STAG1: variants seen among roughly 807,000 people sequenced by gnomAD.
The protein encoded by STAG1 is STAG1 cohesin complex component.
A neutral mutation model predicts 170.9 loss-of-function variants in STAG1; 26 were observed. That is an observed-to-expected ratio of 0.15 (90% CI 0.11 to 0.21). The LOEUF is 0.21. Ranked by LOEUF, STAG1 falls within the 10% of genes least tolerant of loss-of-function variation. STAG1 has a pLI of 1.00. For synonymous variants in STAG1, 514 were observed against 497.7 expected, an observed-to-expected ratio of 1.03 and a Z score of -0.44; for missense variants, 964 against 1,509.5, an observed-to-expected ratio of 0.64 and a Z score of 5.99.
At chr3:136,695,192 T>G (rs1942847741) in intron 1 of STAG1, among the ~76,000 whole-genome samples, 1 of 152,190 alleles carries the variant, frequency 6.6e-6, no homozygotes, top group Non-Finnish European at 1.5e-5. Flanking sequence ...ATCTTTAGTA[T>G]AATCAGTTTA....
intron 21 of STAG1, among the ~76,000 whole-genome samples, chr3:136,412,781 A>G (rs2087662207): frequency 6.6e-6 from 1 of 152,186 alleles, no homozygotes; most frequent in South Asian, 2.1e-4. Context: ...AACAAATGTA[A>G]CAACTAAATG....
rs566097796 is a variant in STAG1, at chr3:136,714,907, C to CAA, written c.-84+37286_-84+37287dup. Reference sequence around the variant, plus strand: ...CTGGGCAAAGGAGCAAGCCCCATCTCAAAAAAAAAAAAAAACAAATATATA... The same window carrying CAA: ...CTGGGCAAAGGAGCAAGCCCCATCTCAAAAAAAAAAAAAAAAACAAATATATA... On this transcript the variant is annotated intron_variant, in intron 1 of 33. Coordinates refer to ENST00000383202, the MANE Select transcript of STAG1 (RefSeq NM_005862.3). 9.9e-4 allele frequency among the ~76,000 whole-genome samples: 49 copies of CAA among 49,564 alleles called. 1 individual carries two copies. The highest frequency in any genetic ancestry group is 2.7e-3 in the African/African-American group (33 of 12,182). 32.5% of individuals were successfully genotyped at this position (49,564 alleles called of 152,430 possible).
intron 13 of STAG1, among the ~76,000 whole-genome samples, chr3:136,454,426 T>C (rs2089045448): frequency 2.6e-5 from 4 of 152,032 alleles, no homozygotes; most frequent in Admixed American, 6.6e-5. Flanking sequence ...TCGGCCTGGC[T>C]GGACGGCAAT....
At position 136,338,149 on chromosome 3, in the gene STAG1, A is replaced by AAATC; in HGVS notation, c.*101_*104dup. On this transcript the variant is annotated 3_prime_UTR_variant, in exon 34 of 34. Transcript: ENST00000383202. ...GACCTTAATCATTTGATTAAAAAACAAATCAGATCACATCAAAAGTGTTTT... is the reference window on the plus strand; with the variant it reads ...GACCTTAATCATTTGATTAAAAAACAAATCAATCAGATCACATCAAAAGTGTTTT... 1.3e-6 allele frequency: 1 copy of AAATC among 759,194 alleles called. No individual in the cohort carries two copies. Among genetic ancestry groups the AAATC allele is most frequent in the Non-Finnish European group, 2.2e-6 (1 of 446,516 alleles). The allele number at this position is 759,194 out of a possible 1,614,324, so 47.0% of individuals were successfully genotyped here.
intron 1 of STAG1, among the ~76,000 whole-genome samples, chr3:136,645,976 T>C (rs1047163701): frequency 3.3e-5 from 5 of 152,174 alleles, no homozygotes; most frequent in Non-Finnish European, 7.3e-5. Flanking sequence ...ACATTTTCAA[T>C]TCCAAAGACC....
intron 21 of STAG1, among the ~76,000 whole-genome samples, chr3:136,408,336 C>T (rs1043681241): frequency 6.6e-6 from 1 of 152,122 alleles, no homozygotes; most frequent in East Asian, 1.9e-4. Flanking sequence ...TTTTAAAAAA[C>T]ATTATCAGAG....
intron 16 of STAG1, among the ~76,000 whole-genome samples, chr3:136,425,450 C>T (rs1389988826): frequency 6.6e-6 from 1 of 151,814 alleles, no homozygotes; most frequent in African/African-American, 2.4e-5. Context: ...AAGAATAAAC[C>T]AGAAACAAAT....
At chr3:136,412,387 A>G (rs2087648349) in intron 21 of STAG1, among the ~76,000 whole-genome samples, 1 of 152,206 alleles carries the variant, frequency 6.6e-6, no homozygotes, top group Non-Finnish European at 1.5e-5. Flanking sequence ...AAGATCATAA[A>G]TCGGTACTAA....
intron 4 of STAG1, among the ~76,000 whole-genome samples, chr3:136,583,584 T>C (rs1204368738): frequency 6.6e-6 from 1 of 151,784 alleles, no homozygotes. Flanking sequence ...AGGTCAGGAG[T>C]TCGACACCAG....
intron 1 of STAG1, among the ~76,000 whole-genome samples, chr3:136,684,315 T>C (rs188326281): frequency 2.0e-5 from 3 of 152,328 alleles, no homozygotes; most frequent in African/African-American, 4.8e-5. Flanking sequence ...CGATGTAGTG[T>C]TGGCAAAACA....
chr3:136,385,425 G>A (rs943184058), intron 22 of STAG1, among the ~76,000 whole-genome samples: 3 of 152,220 alleles, frequency 2.0e-5, no homozygotes, highest in African/African-American at 7.2e-5. Flanking sequence ...GAGCAATAGA[G>A]TGAGACCCTG....
chr3:136,705,659 GCT>G (rs567779721), intron 1 of STAG1, among the ~76,000 whole-genome samples: 2 of 152,034 alleles, frequency 1.3e-5, no homozygotes, highest in Non-Finnish European at 2.9e-5. Flanking sequence ...TCCTGCACAT[GCT>G]CTCTTTGCCT....
intron 7 of STAG1, among the ~76,000 whole-genome samples, chr3:136,512,736 T>TA (rs56227319): frequency 0.38 from 55,360 of 143,828 alleles, 12,363 homozygotes; most frequent in East Asian, 0.81. Flanking sequence ...TGAGGATCTA[T>TA]AAAAAAAAAA....
At chr3:136,590,502 GA>G (rs1199757543) in intron 4 of STAG1, among the ~76,000 whole-genome samples, 117 of 133,084 alleles carry the variant, frequency 8.8e-4, no homozygotes, top group Middle Eastern at 7.4e-3. Flanking sequence ...CAAAAAAAAA[GA>G]AAAAAAAAAA....
chr3:136,432,748 C>T (rs2088346099), intron 16 of STAG1, among the ~76,000 whole-genome samples: 1 of 152,132 alleles, frequency 6.6e-6, no homozygotes, highest in South Asian at 2.1e-4. Context: ...TTCAAGTAAT[C>T]CCCCACCTAG....
intron 28 of STAG1, among the ~76,000 whole-genome samples, chr3:136,356,505 C>T (rs1260070816): frequency 6.6e-6 from 1 of 151,876 alleles, no homozygotes; most frequent in African/African-American, 2.4e-5. Flanking sequence ...CTCAGCCTCC[C>T]AAGTAGCTGG....
At chr3:136,693,056 A>C (rs1942778061) in intron 1 of STAG1, among the ~76,000 whole-genome samples, 1 of 152,178 alleles carries the variant, frequency 6.6e-6, no homozygotes, top group Non-Finnish European at 1.5e-5. Flanking sequence ...AGTTTATCAA[A>C]CTCTAAAATT....
chr3:136,457,813 G>C (rs937209007), intron 13 of STAG1, among the ~76,000 whole-genome samples: 1 of 151,958 alleles, frequency 6.6e-6, no homozygotes, highest in Admixed American at 6.6e-5. Flanking sequence ...ATAACAACTG[G>C]GGCCAGGCAT....
At position 136,416,424 on chromosome 3, in the gene STAG1, G is replaced by A. The variant is rs114117933; in HGVS notation, c.2196+1461C>T. 7.8e-3 allele frequency among the ~76,000 whole-genome samples: 1,186 copies of A among 152,212 alleles called. 21 individuals are homozygous for A. Among genetic ancestry groups the A allele is most frequent in the African/African-American group, 0.028 (1,152 of 41,536 alleles). ...AACAGAAAACCAAAATAACAAAGAC[G>A]ACAACACTGTGAAGCTGTCACAAGT... On this transcript the variant is annotated intron_variant, in intron 21 of 33. Coordinates refer to ENST00000383202, the MANE Select transcript of STAG1 (RefSeq NM_005862.3).
Sources: gnomAD v4.1 joint callset for allele counts (sites outside exome capture counted in the v4.1 genomes callset) on GRCh38, gnomAD v4.1.1 for gene constraint, MANE v1.5 for transcripts, NCBI Gene and HGNC (gene_info 2026-07-23, HGNC 2026-07-21) for gene names.